C1QTNF7: variants seen among roughly 807,000 people sequenced by gnomAD.
The protein encoded by C1QTNF7 is C1q and TNF related 7.
A neutral mutation model predicts 19.6 loss-of-function variants in C1QTNF7; 15 were observed. The ratio of observed to expected loss-of-function variants is 0.76; its 90% CI spans 0.51 to 1.18. The LOEUF (loss-of-function observed/expected upper bound fraction) is 1.18, where lower values mean the gene tolerates loss of function less well. Ranked by LOEUF, C1QTNF7 falls within the 50% of genes most tolerant of loss-of-function variation. The pLI, the probability that C1QTNF7 is intolerant of heterozygous loss-of-function variation, is 0.00. For missense variants in C1QTNF7, 324 were observed against 359.7 expected, an observed-to-expected ratio of 0.90 and a Z score of 0.80; for synonymous variants, 142 against 137.5, an observed-to-expected ratio of 1.03 and a Z score of -0.23.
chr4:15,420,913 C>T (rs10004540), intron 1 of C1QTNF7, among the ~76,000 whole-genome samples: 15,410 of 141,300 alleles, frequency 0.11, 1,248 homozygotes, highest in Admixed American at 0.22. Context: ...TTGGATTTCC[C>T]AGCTCTCGCT....
At chr4:15,380,447 G>A (rs570529810) in intron 1 of C1QTNF7, among the ~76,000 whole-genome samples, 1 of 152,134 alleles carries the variant, frequency 6.6e-6, no homozygotes, top group Non-Finnish European at 1.5e-5. Context: ...TCCAGGTATC[G>A]AGTTCATATT....
chr4:15,345,811 G>C (rs1241550279), intron 1 of C1QTNF7, among the ~76,000 whole-genome samples: 1 of 152,164 alleles, frequency 6.6e-6, no homozygotes, highest in Non-Finnish European at 1.5e-5. Flanking sequence ...GTGTCTTTTT[G>C]TTAAGTGCCT....
intron 1 of C1QTNF7, among the ~76,000 whole-genome samples, chr4:15,409,572 G>T (rs1719329867): frequency 6.6e-6 from 1 of 152,204 alleles, no homozygotes; most frequent in Admixed American, 6.5e-5. Flanking sequence ...CAGAACCTAT[G>T]AATCTAGTGA....
At chr4:15,391,194 G>A (rs892082678) in intron 1 of C1QTNF7, among the ~76,000 whole-genome samples, 10 of 151,810 alleles carry the variant, frequency 6.6e-5, no homozygotes, top group African/African-American at 2.4e-5. Context: ...TTGTATGTAT[G>A]TTGTAACGAG....
Position 15,369,979 on chromosome 4 carries a change from G to C in C1QTNF7, c.13+29772G>C, listed in dbSNP as rs375942958. Among the ~76,000 whole-genome samples, 25 of 152,288 alleles carry C rather than the reference G, an allele frequency of 1.6e-4. No individual in the cohort carries two copies. The East Asian group carries it at 4.6e-3, about 28-fold the overall frequency. On this transcript the variant is annotated intron_variant, in intron 1 of 2. Coordinates refer to the C1QTNF7 transcript ENST00000295297. ...AGAACTGTAAAGAATCTATACATGA[G>C]ATCATATTGTATTCAACTATACTGA...
intron 1 of C1QTNF7, among the ~76,000 whole-genome samples, chr4:15,397,149 C>T (rs1420851485): frequency 6.6e-6 from 1 of 152,124 alleles, no homozygotes; most frequent in Non-Finnish European, 1.5e-5. Context: ...GGAAACCGCC[C>T]CCGTGATTCC....
chr4:15,341,295 G>T (rs1716527657), intron 1 of C1QTNF7, among the ~76,000 whole-genome samples: 1 of 152,210 alleles, frequency 6.6e-6, no homozygotes, highest in African/African-American at 2.4e-5. Context: ...TTAGGCCTGG[G>T]TGAGCAATTT....
chr4:15,399,060 T>C (rs909734532), intron 1 of C1QTNF7, among the ~76,000 whole-genome samples: 1 of 152,116 alleles, frequency 6.6e-6, no homozygotes, highest in African/African-American at 2.4e-5. Flanking sequence ...CCCCCACCAG[T>C]CTAGCATTCC....
intron 1 of C1QTNF7, among the ~76,000 whole-genome samples, chr4:15,422,124 C>T (rs1711799720): frequency 6.7e-6 from 1 of 149,576 alleles, no homozygotes; most frequent in African/African-American, 2.5e-5. Context: ...CAATTGCATA[C>T]ATTGGCCAAA....
chr4:15,433,138 G>T (rs1316136840), intron 1 of C1QTNF7, among the ~76,000 whole-genome samples: 1 of 152,054 alleles, frequency 6.6e-6, no homozygotes, highest in Non-Finnish European at 1.5e-5. Flanking sequence ...CAATAGCCTT[G>T]CACCCCATGT....
intron 1 of C1QTNF7, among the ~76,000 whole-genome samples, chr4:15,351,293 T>C (rs1046960633): frequency 1.3e-5 from 2 of 152,166 alleles, no homozygotes; most frequent in Non-Finnish European, 1.5e-5. Flanking sequence ...TCCATAGCCA[T>C]CTAGCATGAA....
At chr4:15,366,695 T>C (rs1217819371) in intron 1 of C1QTNF7, among the ~76,000 whole-genome samples, 1 of 152,162 alleles carries the variant, frequency 6.6e-6, no homozygotes, top group Non-Finnish European at 1.5e-5. Context: ...ACCTTTCAAA[T>C]AACATGGGAC....
intron 1 of C1QTNF7, among the ~76,000 whole-genome samples, chr4:15,370,092 GA>G (rs1449879307): frequency 6.6e-6 from 1 of 151,988 alleles, no homozygotes; most frequent in East Asian, 1.9e-4. Flanking sequence ...TACTCATGTC[GA>G]TTTTTTTTAA....
intron 1 of C1QTNF7, among the ~76,000 whole-genome samples, chr4:15,391,236 C>A (rs979476192): frequency 6.6e-6 from 1 of 151,856 alleles, no homozygotes; most frequent in Non-Finnish European, 1.5e-5. Flanking sequence ...CAGGTCTACA[C>A]CCTAGTAGCT....
In C1QTNF7 at chr4:15,401,997, C is replaced by G. The variant is rs570436769; in HGVS notation, c.14-33739C>G. ...AACAGGAAAAAACTTAAAGTCAATT[C>G]AAGAAAGCTTTTTGAGTTTAAAAAA... On this transcript the variant is annotated intron_variant, in intron 1 of 2. Coordinates refer to the C1QTNF7 transcript ENST00000295297. 3.9e-5 allele frequency among the ~76,000 whole-genome samples: 6 copies of G among 152,246 alleles called. No individual in the cohort carries two copies. In the East Asian group the frequency reaches 1.2e-3, roughly 29 times the overall value.
intron 1 of C1QTNF7, among the ~76,000 whole-genome samples, chr4:15,377,928 T>G (rs1329266387): frequency 1.3e-5 from 2 of 152,138 alleles, no homozygotes; most frequent in African/African-American, 2.4e-5. Flanking sequence ...AATCCACAAA[T>G]TTGCACTGAG....
At chr4:15,399,724 C>T (rs1718918019) in intron 1 of C1QTNF7, among the ~76,000 whole-genome samples, 2 of 151,860 alleles carry the variant, frequency 1.3e-5, no homozygotes, top group African/African-American at 4.9e-5. Flanking sequence ...TCTTATATAA[C>T]TATAAGTCCA....
rs149453701 is a variant in C1QTNF7 at position 15,435,944 on chromosome 4, C to T, written c.201C>T (p.Asp67=). The change falls in exon 2 of 3, where the codon GAC becomes GAT. Residue 67 remains aspartate (D), a synonymous_variant. Transcript: ENST00000444304. The part of the protein sequence containing the change: ...RIGLPGRDGR[D]GRKGEKGEKG... ...GCCTTCCAGGAAGAGATGGTAGAGA[C>T]GGCAGGAAAGGAGAGAAAGGTGAAA... 72 of 1,613,816 alleles carry T rather than the reference C, an allele frequency of 4.5e-5. No individual in the cohort carries two copies. Among genetic ancestry groups the T allele is most frequent in the African/African-American group, 1.6e-4 (12 of 74,912 alleles).
chr4:15,374,882 T>A, intron 1 of C1QTNF7: 1 of 472,106 alleles, frequency 2.1e-6, no homozygotes, highest in Non-Finnish European at 2.7e-6. Flanking sequence ...TTTTTTTTTA[T>A]GATGTTCAGG....
Sources: gnomAD v4.1 joint callset for allele counts (sites outside exome capture counted in the v4.1 genomes callset) on GRCh38, gnomAD v4.1.1 for gene constraint, MANE v1.5 for transcripts, NCBI Gene and HGNC (gene_info 2026-07-23, HGNC 2026-07-21) for gene names.